Variants in DCC observed in about 807,000 individuals in gnomAD.
The protein encoded by DCC is DCC netrin 1 receptor.
A neutral mutation model predicts 172.5 loss-of-function variants in DCC; 58 were observed. The ratio of observed to expected loss-of-function variants is 0.34; its 90% CI spans 0.27 to 0.42. The LOEUF is 0.42. Among genes scored for constraint, DCC ranks in the 10% least tolerant of loss-of-function variants. The pLI is 1.00. For synonymous variants in DCC, 709 were observed against 644.5 expected, an observed-to-expected ratio of 1.10 and a Z score of -1.52; for missense variants, 1,740 against 1,791.0, an observed-to-expected ratio of 0.97 and a Z score of 0.51.
chr18:53,489,009 A>C (rs1485459096), intron 26 of DCC, among the ~76,000 whole-genome samples: 1 of 152,086 alleles, frequency 6.6e-6, no homozygotes, highest in African/African-American at 2.4e-5. Context: ...ATACAAAAAA[A>C]ATTGCTGGGC....
intron 15 of DCC, among the ~76,000 whole-genome samples, chr18:53,343,912 T>C (rs1340847014): frequency 6.6e-6 from 1 of 152,028 alleles, no homozygotes; most frequent in East Asian, 1.9e-4. Context: ...CCATTTCATT[T>C]TGTCTCTTGT....
chr18:53,309,955 TAC>T, intron 13 of DCC, among the ~76,000 whole-genome samples: 2 of 123,100 alleles, frequency 1.6e-5, no homozygotes, highest in Non-Finnish European at 3.4e-5. Flanking sequence ...CATGTATATA[TAC>T]GTGTGTGTAT....
intron 12 of DCC, among the ~76,000 whole-genome samples, chr18:53,250,021 T>C (rs17410557): frequency 0.27 from 41,677 of 151,882 alleles, 7,417 homozygotes; most frequent in Non-Finnish European, 0.4. Flanking sequence ...AGGCTCTTCG[T>C]GAAGATCTGA....
intron 1 of DCC, among the ~76,000 whole-genome samples, chr18:52,683,312 A>G (rs1370962805): frequency 6.6e-6 from 1 of 152,102 alleles, no homozygotes; most frequent in East Asian, 1.9e-4. Flanking sequence ...GCTACATCAT[A>G]TAAGGAGTGG....
intron 26 of DCC, among the ~76,000 whole-genome samples, chr18:53,488,202 T>C (rs1055591261): frequency 6.6e-6 from 1 of 152,160 alleles, no homozygotes; most frequent in Non-Finnish European, 1.5e-5. Context: ...CTGGCCAATA[T>C]GGTGAAACCC....
chr18:53,269,407 A>G (rs1011493696), intron 12 of DCC, among the ~76,000 whole-genome samples: 10 of 152,156 alleles, frequency 6.6e-5, no homozygotes, highest in South Asian at 2.1e-4. Context: ...AACCCTGAGC[A>G]CAAAACTCCA....
chr18:53,129,267 T>G (rs2043616499), intron 7 of DCC, among the ~76,000 whole-genome samples: 1 of 152,114 alleles, frequency 6.6e-6, no homozygotes, highest in Non-Finnish European at 1.5e-5. Flanking sequence ...AGGTGAATAT[T>G]TTAAGTTTTC....
intron 11 of DCC, among the ~76,000 whole-genome samples, chr18:53,210,974 A>G (rs148580192): frequency 6.5e-4 from 99 of 152,006 alleles, no homozygotes; most frequent in African/African-American, 2.2e-3. Context: ...CACCACTGAG[A>G]TTATACAGCA....
At chr18:53,422,615 C>T (rs1024303227) in intron 21 of DCC, among the ~76,000 whole-genome samples, 2 of 152,148 alleles carry the variant, frequency 1.3e-5, no homozygotes, top group African/African-American at 4.8e-5. Flanking sequence ...CTGCACCTGC[C>T]ATTTTACACC....
intron 2 of DCC, 27 bp downstream of exon 2, chr18:52,752,401 C>T (rs368835655): frequency 3.1e-5 from 46 of 1,488,968 alleles, no homozygotes; most frequent in Non-Finnish European, 4.2e-5. Flanking sequence ...TTCTCTTCCT[C>T]CTCCTCCTTC....
At chr18:52,737,286 A>G (rs1378460094) in intron 1 of DCC, among the ~76,000 whole-genome samples, 1 of 152,108 alleles carries the variant, frequency 6.6e-6, no homozygotes, top group East Asian at 1.9e-4. Context: ...CCCACAAGAC[A>G]CCACTGGTGA....
At chr18:52,923,615 T>C in intron 3 of DCC, 92 bp from the exon 4 acceptor site, 2 of 1,021,740 alleles carry the variant, frequency 2.0e-6, no homozygotes, top group Non-Finnish European at 3.1e-6. Context: ...TCATTTTTCT[T>C]TCCATCTTTT....
chr18:53,325,688 A>G (rs1281917961), intron 14 of DCC, among the ~76,000 whole-genome samples: 2 of 152,156 alleles, frequency 1.3e-5, no homozygotes, highest in African/African-American at 4.8e-5. Flanking sequence ...GAACTTTTCT[A>G]TGCTCTTGGC....
intron 2 of DCC, among the ~76,000 whole-genome samples, chr18:52,771,643 T>C (rs2037345463): frequency 6.6e-6 from 1 of 152,214 alleles, no homozygotes; most frequent in Admixed American, 6.5e-5. Flanking sequence ...CTATTTTATC[T>C]ATGTGAGGGA....
At chr18:52,758,035 T>C (rs531568541) in intron 2 of DCC, among the ~76,000 whole-genome samples, 224 of 152,218 alleles carry the variant, frequency 1.5e-3, no homozygotes, top group African/African-American at 5.3e-3. Context: ...ATAACAATAA[T>C]GGTAATAATG....
rs117019598 is a variant in DCC at position 53,487,718 on chromosome 18, C to T, written c.3898+760C>T. Among the ~76,000 whole-genome samples the T allele has an allele frequency of 1.7e-4, 26 of 152,156 alleles. No homozygotes were observed. The East Asian group carries it at 5.0e-3, about 29-fold the overall frequency. ...CCAAACAGGGACAGCTCTAAGAAAT[C>T]ATAAATCGTCTAGATACAGCAAGGT... On this transcript the variant is annotated intron_variant, in intron 26 of 28. Transcript: ENST00000442544.
intron 1 of DCC, among the ~76,000 whole-genome samples, chr18:52,521,899 C>A (rs1289959651): frequency 6.6e-6 from 1 of 151,922 alleles, no homozygotes; most frequent in Admixed American, 6.6e-5. Flanking sequence ...AGATGGCACT[C>A]AATAAATATT....
At chr18:53,093,271 T>C (rs918650876) in intron 7 of DCC, among the ~76,000 whole-genome samples, 3 of 152,148 alleles carry the variant, frequency 2.0e-5, no homozygotes, top group Non-Finnish European at 4.4e-5. Context: ...AGCGAGACTC[T>C]GTCTCAAAAA....
At chr18:52,689,569 C>T (rs968436680) in intron 1 of DCC, among the ~76,000 whole-genome samples, 4 of 152,086 alleles carry the variant, frequency 2.6e-5, no homozygotes, top group African/African-American at 9.7e-5. Flanking sequence ...TCTGTGTCTT[C>T]AAGCGCAGTG....
Sources: allele counts gnomAD v4.1 joint callset (sites outside exome capture counted in the v4.1 genomes callset), GRCh38; gene constraint gnomAD v4.1.1; transcripts MANE v1.5; gene names NCBI Gene and HGNC (gene_info 2026-07-23, HGNC 2026-07-21).